Variants in RCL1 observed in about 807,000 individuals in gnomAD.
The protein encoded by RCL1 is RNA terminal phosphate cyclase like 1, also known as RNA 3'-terminal phosphate cyclase-like protein.
Under a neutral mutation model 42.4 loss-of-function variants are expected in RCL1, and 24 were observed. The ratio of observed to expected loss-of-function variants is 0.57; its 90% CI spans 0.41 to 0.80. The LOEUF (loss-of-function observed/expected upper bound fraction) is 0.80. Among genes scored for constraint, RCL1 ranks in the 30% least tolerant of loss-of-function variants. RCL1 has a pLI of 0.00. For missense variants in RCL1, 578 were observed against 467.9 expected, an observed-to-expected ratio of 1.24 and a Z score of -2.17; for synonymous variants, 228 against 177.3, an observed-to-expected ratio of 1.29 and a Z score of -2.27.
intron 1 of RCL1, among the ~76,000 whole-genome samples, chr9:4,808,453 G>C (rs527433009): frequency 6.6e-6 from 1 of 152,122 alleles, no homozygotes; most frequent in Admixed American, 6.5e-5. Flanking sequence ...GACTATAGGT[G>C]TGCGCCATTA....
At chr9:4,793,703 C>T (rs1382130959) in intron 1 of RCL1, among the ~76,000 whole-genome samples, 1 of 152,146 alleles carries the variant, frequency 6.6e-6, no homozygotes, top group East Asian at 1.9e-4. Context: ...CCTTGGACAC[C>T]GGCTGTTCCT....
In RCL1 at chr9:4,849,556, T is replaced by C. The variant is rs1327723313; in HGVS notation, c.971+6T>C. 1 of 1,599,294 alleles carries C rather than the reference T, an allele frequency of 6.3e-7. No individual in the cohort carries two copies. Among genetic ancestry groups the C allele is most frequent in the Middle Eastern group, 1.7e-4 (1 of 6,036 alleles). ...GGCCCTCTCTCTCCCTACACGTAAGTTATTCTTTTTCAACCTCGTTATTCT... is the reference window on the plus strand; with the variant it reads ...GGCCCTCTCTCTCCCTACACGTAAGCTATTCTTTTTCAACCTCGTTATTCT... On this transcript the variant is annotated splice_donor_region_variant and intron_variant, in intron 8 of 8. Transcript: ENST00000381750.
At chr9:4,842,988 A>G (rs1817387069) in intron 6 of RCL1, among the ~76,000 whole-genome samples, 1 of 152,222 alleles carries the variant, frequency 6.6e-6, no homozygotes, top group African/African-American at 2.4e-5. Context: ...TCAAGTCCAT[A>G]CTTACTAATG....
At chr9:4,845,180 T>A (rs1045979638) in intron 7 of RCL1, among the ~76,000 whole-genome samples, 1 of 152,168 alleles carries the variant, frequency 6.6e-6, no homozygotes, top group Non-Finnish European at 1.5e-5. Flanking sequence ...GCACAGAATC[T>A]CAGTTAACAG....
At chr9:4,844,472 T>G in intron 6 of RCL1, 53 bp from the exon 7 acceptor site, 1 of 1,402,588 alleles carries the variant, frequency 7.1e-7, no homozygotes, top group South Asian at 1.3e-5. Context: ...TGCTGGTGAG[T>G]GGAAACCTCA....
At chr9:4,839,853 A>G in intron 5 of RCL1, 1 of 985,268 alleles carries the variant, frequency 1.0e-6, no homozygotes, top group Non-Finnish European at 1.2e-6. Context: ...GTGAAGAGAG[A>G]TGTATGGTAA....
intron 1 of RCL1, among the ~76,000 whole-genome samples, chr9:4,809,184 T>G (rs1816080822): frequency 6.6e-6 from 1 of 152,194 alleles, no homozygotes; most frequent in African/African-American, 2.4e-5. Context: ...CTATAGATAC[T>G]CAGTAATCTT....
At chr9:4,821,818 A>G (rs920632130) in intron 1 of RCL1, among the ~76,000 whole-genome samples, 2 of 152,202 alleles carry the variant, frequency 1.3e-5, no homozygotes, top group Non-Finnish European at 2.9e-5. Flanking sequence ...TTGTGATATA[A>G]TAATAAATCC....
At chr9:4,851,737 T>A (rs1157068436) in intron 8 of RCL1, among the ~76,000 whole-genome samples, 1 of 148,698 alleles carries the variant, frequency 6.7e-6, no homozygotes, top group African/African-American at 2.5e-5. Flanking sequence ...TTCCTTGGTT[T>A]AAAAAAAAAA....
chr9:4,820,938 C>T (rs982875151), intron 1 of RCL1, among the ~76,000 whole-genome samples: 3 of 152,134 alleles, frequency 2.0e-5, no homozygotes, highest in Admixed American at 1.3e-4. Context: ...TTAGTATATA[C>T]AGTTATTCCA....
Position 4,823,419 on chromosome 9 carries a change from C to G in RCL1, c.137-129C>G, listed in dbSNP as rs184500370. 5.4e-4 allele frequency: 348 copies of G among 640,650 alleles called. 1 individual carries two copies. The highest frequency in any genetic ancestry group is 8.1e-4 in the Non-Finnish European group (305 of 374,972). 39.7% of individuals were successfully genotyped at this position (640,650 alleles called of 1,614,324 possible). A position where few individuals can be genotyped will look rare whatever the true frequency, so the allele number is the denominator to read the frequency against. ...AACCTACCCAGTCCTTTAGGAAAGCCCAGGTGTGATGCAGGAAGTAACCTG... is the reference window on the plus strand; with the variant it reads ...AACCTACCCAGTCCTTTAGGAAAGCGCAGGTGTGATGCAGGAAGTAACCTG... On this transcript the variant is annotated intron_variant, in intron 1 of 8. Coordinates refer to ENST00000381750, the MANE Select transcript of RCL1 (RefSeq NM_005772.5).
At chr9:4,841,480 C>T in intron 6 of RCL1, 123 bp downstream of exon 6, 1 of 790,942 alleles carries the variant, frequency 1.3e-6, no homozygotes, top group South Asian at 1.7e-5. Flanking sequence ...GAATTAATTT[C>T]TTTCTGCCTT....
At chr9:4,859,838 C>G (rs1396933546) in intron 8 of RCL1, among the ~76,000 whole-genome samples, 1 of 152,194 alleles carries the variant, frequency 6.6e-6, no homozygotes, top group East Asian at 1.9e-4. Flanking sequence ...TGTCCATTTT[C>G]TGCTAGGTCT....
chr9:4,803,876 T>A (rs958837059), intron 1 of RCL1: 1 of 155,394 alleles, frequency 6.4e-6, no homozygotes, highest in African/African-American at 2.4e-5. Flanking sequence ...GTTCCCTGTG[T>A]GTTGGCAATA....
Position 4,834,208 on chromosome 9 carries a change from T to C in RCL1, c.527T>C (p.Val176Ala), listed in dbSNP as rs771902545. The C allele has an allele frequency of 1.8e-5, 29 of 1,613,726 alleles. No individual in the cohort carries two copies. Among genetic ancestry groups the C allele is most frequent in the Non-Finnish European group, 2.5e-5 (29 of 1,179,774 alleles). Residue 176 changes from valine (V) to alanine (A), a missense_variant, in exon 5 of 9, where the codon GTC becomes GCC. Physicochemically the swap from Val to Ala is moderately conservative, Grantham distance 64. Transcript: ENST00000381750. ...GTTTTCTCATGTCCTGTGAGGAAGGTCTTGAAGCCCATTCAACTCACAGAT... is the reference window on the plus strand; with the variant it reads ...GTTTTCTCATGTCCTGTGAGGAAGGCCTTGAAGCCCATTCAACTCACAGAT... ...EVVFSCPVRK[V>A]LKPIQLTDPG...
At chr9:4,828,485 A>G (rs1408274827) in intron 3 of RCL1, among the ~76,000 whole-genome samples, 1 of 151,502 alleles carries the variant, frequency 6.6e-6, no homozygotes, top group Non-Finnish European at 1.5e-5. Flanking sequence ...ATAGTACAAG[A>G]TCTGAAATTC....
chr9:4,824,122 T>C (rs1816682407), intron 2 of RCL1, among the ~76,000 whole-genome samples: 1 of 152,226 alleles, frequency 6.6e-6, no homozygotes, highest in South Asian at 2.1e-4. Flanking sequence ...TCCATTTACT[T>C]ATATTATCAC....
chr9:4,810,224 C>T (rs778859600), intron 1 of RCL1, among the ~76,000 whole-genome samples: 5 of 152,050 alleles, frequency 3.3e-5, no homozygotes, highest in Non-Finnish European at 5.9e-5. Flanking sequence ...AAGAAAAGTG[C>T]GTAACCAATA....
intron 2 of RCL1, among the ~76,000 whole-genome samples, chr9:4,826,322 A>G (rs900915612): frequency 2.6e-4 from 40 of 152,216 alleles, no homozygotes; most frequent in Admixed American, 1.0e-3. Flanking sequence ...TAAAGCCGTA[A>G]AATAATATTA....
Sources: gnomAD v4.1 joint callset for allele counts (sites outside exome capture counted in the v4.1 genomes callset) on GRCh38, gnomAD v4.1.1 for gene constraint, MANE v1.5 for transcripts, NCBI Gene and HGNC (gene_info 2026-07-23, HGNC 2026-07-21) for gene names.